The following GALNT11 variants were observed in gnomAD, a reference collection of about 807,000 sequenced individuals.
The protein encoded by GALNT11 is polypeptide N-acetylgalactosaminyltransferase 11.
Under a neutral mutation model 72.7 loss-of-function variants are expected in GALNT11, and 47 were observed. The ratio of observed to expected loss-of-function variants is 0.65; its 90% CI spans 0.51 to 0.82. GALNT11 has a LOEUF of 0.82. GALNT11 is among the 40% of genes least tolerant of loss of function. GALNT11 has a pLI of 0.00. For synonymous variants in GALNT11, 270 were observed against 286.6 expected (o/e 0.94, Z 0.58); for missense variants, 677 against 778.4 (o/e 0.87, Z 1.55).
At chr7:152,090,010 T>C (rs1413794313) in intron 1 of GALNT11, among the ~76,000 whole-genome samples, 1 of 152,204 alleles carries the variant, frequency 6.6e-6, no homozygotes, top group Non-Finnish European at 1.5e-5. Flanking sequence ...CCTACATTTC[T>C]GTGGAGTTTA....
At chr7:152,037,953 G>C (rs1011408024) in intron 1 of GALNT11, among the ~76,000 whole-genome samples, 1 of 152,060 alleles carries the variant, frequency 6.6e-6, no homozygotes, top group African/African-American at 2.4e-5. Context: ...AATTTTAGTA[G>C]AGATGGGGGT....
At chr7:152,040,651 G>C (rs1248655166) in intron 1 of GALNT11, among the ~76,000 whole-genome samples, 2 of 152,158 alleles carry the variant, frequency 1.3e-5, no homozygotes, top group Non-Finnish European at 2.9e-5. Context: ...AAAGTAATCA[G>C]TTGTTCATCT....
chr7:152,082,577 G>C (rs1317378961), intron 1 of GALNT11, among the ~76,000 whole-genome samples: 1 of 152,196 alleles, frequency 6.6e-6, no homozygotes, highest in African/African-American at 2.4e-5. Flanking sequence ...AGCATGCCAG[G>C]GCAGATATTT....
rs6464202 is a variant in GALNT11, at chr7:152,103,368, G to A, written c.586+90G>A. 7,922 of 1,354,376 alleles carry A rather than the reference G, an allele frequency of 5.8e-3. 343 individuals carry two copies. In the African/African-American group the frequency reaches 0.099, roughly 17 times the overall value. The allele number at this position is 1,354,376 out of a possible 1,614,324, so 83.9% of individuals were successfully genotyped here. A position where few individuals can be genotyped will look rare whatever the true frequency, so the allele number is the denominator to read the frequency against. ...CTAACACAGCTGAACTTTCAAGTACGTGGTAGGTGGGGATCCTACACGTGC... is the reference window on the plus strand; with the variant it reads ...CTAACACAGCTGAACTTTCAAGTACATGGTAGGTGGGGATCCTACACGTGC... On this transcript the variant is annotated intron_variant, in intron 4 of 11. Coordinates refer to ENST00000430044, the MANE Select transcript of GALNT11 (RefSeq NM_022087.4).
chr7:152,067,199 A>G (rs1322051027), intron 1 of GALNT11, among the ~76,000 whole-genome samples: 1 of 152,226 alleles, frequency 6.6e-6, no homozygotes, highest in Non-Finnish European at 1.5e-5. Context: ...TATTAAGGAT[A>G]CATACTATCT....
chr7:152,118,631 G>T, intron 9 of GALNT11, 47 bp from the exon 10 acceptor site: 1 of 1,559,642 alleles, frequency 6.4e-7, no homozygotes, highest in Non-Finnish European at 8.7e-7. Context: ...CTTGGGAGGC[G>T]TCTCTGGGAT....
chr7:152,062,855 G>A (rs1587093251), intron 1 of GALNT11, among the ~76,000 whole-genome samples: 1 of 152,326 alleles, frequency 6.6e-6, no homozygotes, highest in Middle Eastern at 3.4e-3. Context: ...TGTGCTGCTG[G>A]ATTTGGTATG....
At chr7:152,054,748 G>A (rs1262625914) in intron 1 of GALNT11, among the ~76,000 whole-genome samples, 1 of 151,688 alleles carries the variant, frequency 6.6e-6, no homozygotes, top group Admixed American at 6.6e-5. Context: ...TGAACTCCTG[G>A]GCTCAAGCGA....
At chr7:152,032,257 C>A (rs928322716) in intron 1 of GALNT11, among the ~76,000 whole-genome samples, 1 of 152,140 alleles carries the variant, frequency 6.6e-6, no homozygotes, top group Non-Finnish European at 1.5e-5. Context: ...ACCCTTGGGG[C>A]AAGACGGTCC....
At chr7:152,115,563 C>G (rs1438043020) in intron 8 of GALNT11, among the ~76,000 whole-genome samples, 1 of 152,170 alleles carries the variant, frequency 6.6e-6, no homozygotes, top group African/African-American at 2.4e-5. Context: ...AGCGGCTGCT[C>G]TCCAGAACAC....
Position 152,088,536 on chromosome 7 carries a change from T to A in GALNT11, c.-38-5654T>A, listed in dbSNP as rs549764444. ...TCAGGGTTTTTTTTTTTTTTAAGATTTCTGTAATCTCTCTGAGATTGTCTT... is the reference window on the plus strand; with the variant it reads ...TCAGGGTTTTTTTTTTTTTTAAGATATCTGTAATCTCTCTGAGATTGTCTT... On this transcript the variant is annotated intron_variant, in intron 1 of 11. Transcript: ENST00000430044. Among the ~76,000 whole-genome samples the A allele has an allele frequency of 5.7e-4, 86 of 151,930 alleles. 1 individual carries two copies. The South Asian group carries it at 0.018, about 31-fold the overall frequency.
chr7:152,094,085 T>G lies in GALNT11; in HGVS notation c.-38-105T>G, dbSNP rs17173334. On this transcript the variant is annotated intron_variant, in intron 1 of 11. Transcript: ENST00000430044. This position sits in a 1 kb window ranked among gnomAD's most constrained non-coding sequence, Gnocchi z 4.3. ...CTTGTATTTGAATATCCGTTAACTGTACGCATAGTGGTCCTACTTGGTGGT... is the reference window on the plus strand; with the variant it reads ...CTTGTATTTGAATATCCGTTAACTGGACGCATAGTGGTCCTACTTGGTGGT... The G allele has an allele frequency of 0.041, 35,736 of 875,728 alleles. 1,663 individuals carry two copies. Among genetic ancestry groups the G allele is most frequent in the East Asian group, 0.2 (8,311 of 40,682 alleles). The allele number at this position is 875,728 out of a possible 1,614,324, so 54.2% of individuals were successfully genotyped here.
rs377027796 is a variant in GALNT11, at chr7:152,035,569, C to T, written c.-39+9685C>T. ...CTCTCTGTCGACCCTCGGCTCAGCC[C>T]GGAAGTACAGGAAAAGCGGAAAGCT... On this transcript the variant is annotated intron_variant, in intron 1 of 11. Transcript: ENST00000430044. Among the ~76,000 whole-genome samples the T allele has an allele frequency of 3.1e-4, 47 of 152,230 alleles. No homozygotes were observed. The South Asian group carries it at 7.9e-3, about 26-fold the overall frequency.
chr7:152,119,288 TA>T (rs1224454478), intron 10 of GALNT11: 1 of 152,220 alleles, frequency 6.6e-6, no homozygotes, highest in African/African-American at 2.4e-5. Flanking sequence ...TAAATAATAT[TA>T]AAACGGGCCT....
At chr7:152,067,872 GA>G (rs2084400716) in intron 1 of GALNT11, among the ~76,000 whole-genome samples, 1 of 152,132 alleles carries the variant, frequency 6.6e-6, no homozygotes, top group African/African-American at 2.4e-5. Flanking sequence ...TGGCTTCTAG[GA>G]AGGCCTCGGG....
intron 1 of GALNT11, among the ~76,000 whole-genome samples, chr7:152,061,373 AGCC>A (rs2084006108): frequency 2.0e-5 from 3 of 152,208 alleles, no homozygotes; most frequent in Admixed American, 2.0e-4. Context: ...TCTAGATATT[AGCC>A]CTTTGTCAGA....
intron 1 of GALNT11, among the ~76,000 whole-genome samples, chr7:152,038,400 C>A (rs2082689161): frequency 6.6e-6 from 1 of 152,202 alleles, no homozygotes; most frequent in South Asian, 2.1e-4. Flanking sequence ...GTCCTTAAGG[C>A]CCAGATCGCT....
At chr7:152,067,674 A>G (rs935881332) in intron 1 of GALNT11, among the ~76,000 whole-genome samples, 3 of 152,126 alleles carry the variant, frequency 2.0e-5, no homozygotes, top group Admixed American at 2.0e-4. Context: ...AGAATCTGCC[A>G]TTTTTCTAAG....
intron 1 of GALNT11, among the ~76,000 whole-genome samples, chr7:152,092,084 G>T (rs768741321): frequency 1.4e-4 from 21 of 152,128 alleles, no homozygotes; most frequent in Non-Finnish European, 2.2e-4. Flanking sequence ...GGTTCCTCGT[G>T]GATTCAGAGC....
Sources: allele counts gnomAD v4.1 joint callset (sites outside exome capture counted in the v4.1 genomes callset), GRCh38; gene constraint gnomAD v4.1.1; non-coding constraint Gnocchi (gnomAD v3.1); transcripts MANE v1.5; gene names NCBI Gene and HGNC (gene_info 2026-07-23, HGNC 2026-07-21).